Variants in KIAA1217 observed in about 807,000 individuals in gnomAD.
KIAA1217 encodes sickle tail protein homolog.
KIAA1217 carries 88 observed loss-of-function variants against 163.9 expected under a neutral mutation model. That is an observed-to-expected ratio of 0.54 (90% CI 0.45 to 0.64). The LOEUF is 0.64. Among genes scored for constraint, KIAA1217 ranks in the 30% least tolerant of loss-of-function variants. KIAA1217 has a pLI of 0.00. For synonymous variants in KIAA1217, 903 were observed against 923.1 expected (o/e 0.98, Z 0.39); for missense variants, 2,372 against 2,475.0 (o/e 0.96, Z 0.88).
chr10:23,705,600 G>A (rs940891484), intron 1 of KIAA1217, among the ~76,000 whole-genome samples: 4 of 152,100 alleles, frequency 2.6e-5, no homozygotes, highest in African/African-American at 9.7e-5. Context: ...TGATCTGTAT[G>A]TTCATTTTTA....
At chr10:23,876,540 G>A (rs1840704947) in intron 1 of KIAA1217, among the ~76,000 whole-genome samples, 1 of 151,956 alleles carries the variant, frequency 6.6e-6, no homozygotes, top group Non-Finnish European at 1.5e-5. Context: ...GTTTTATATG[G>A]TACCGTAGTG....
intron 2 of KIAA1217, among the ~76,000 whole-genome samples, chr10:24,263,655 G>T (rs2075929645): frequency 6.6e-6 from 1 of 152,156 alleles, no homozygotes; most frequent in Non-Finnish European, 1.5e-5. Context: ...CTTTTTAGGT[G>T]TGAGGCGCTG....
intron 2 of KIAA1217, among the ~76,000 whole-genome samples, chr10:24,200,164 G>A (rs1589872916): frequency 6.7e-6 from 1 of 149,696 alleles, no homozygotes; most frequent in East Asian, 2.0e-4. Flanking sequence ...TCTTTGGTTT[G>A]TGTTGCCTCA....
At chr10:24,207,313 CACAT>C (rs1039546563), upstream of KIAA1217, among the ~76,000 whole-genome samples, 3 of 150,480 alleles carry the variant, frequency 2.0e-5, no homozygotes, top group Non-Finnish European at 3.0e-5. Context: ...CACACACACA[CACAT>C]ACTTTTCTCC....
chr10:24,494,951 A>G (rs762035305), intron 7 of KIAA1217, 196 bp from the exon 8 acceptor site: 92 of 594,432 alleles, frequency 1.5e-4, no homozygotes, highest in Non-Finnish European at 2.6e-4. Flanking sequence ...GCCTGGCTGC[A>G]TTCCACCCCC....
At chr10:24,113,556 C>T (rs979223925) in intron 2 of KIAA1217, among the ~76,000 whole-genome samples, 6 of 152,236 alleles carry the variant, frequency 3.9e-5, no homozygotes, top group South Asian at 2.1e-4. Flanking sequence ...GAATTTTGCT[C>T]GCAAAATCAC....
At chr10:24,183,715 C>A (rs907381421) in intron 2 of KIAA1217, among the ~76,000 whole-genome samples, 12 of 152,290 alleles carry the variant, frequency 7.9e-5, no homozygotes, top group African/African-American at 2.6e-4. Flanking sequence ...TTTTAGGAAA[C>A]AACCATTTAT....
At chr10:23,962,084 C>G (rs1844841712) in intron 1 of KIAA1217, among the ~76,000 whole-genome samples, 1 of 152,222 alleles carries the variant, frequency 6.6e-6, no homozygotes, top group Non-Finnish European at 1.5e-5. Context: ...TGGGGGCACT[C>G]AATTTAACCC....
At position 24,283,638 on chromosome 10, in the gene KIAA1217, C is replaced by T. The variant is rs79521122; in HGVS notation, c.354+63729C>T. Among the ~76,000 whole-genome samples, 5 of 152,072 alleles carry T rather than the reference C, an allele frequency of 3.3e-5. No homozygotes were observed. In the East Asian group the frequency reaches 7.7e-4, roughly 24 times the overall value. On this transcript the variant is annotated intron_variant, in intron 2 of 20. Coordinates refer to ENST00000376454, the MANE Select transcript of KIAA1217 (RefSeq NM_019590.5). ...CCAATGTTGTGCCACCGCACTTCAG[C>T]CTGAGGAACAAAGCGACACTCCATC...
At chr10:24,527,873 C>A in intron 13 of KIAA1217, 63 bp from the exon 14 acceptor site, 1 of 1,301,944 alleles carries the variant, frequency 7.7e-7, no homozygotes, top group South Asian at 1.3e-5. Context: ...CTGAGAGGTC[C>A]CAGTGTCCGT....
At chr10:24,386,292 T>C (rs2053997442) in intron 3 of KIAA1217, among the ~76,000 whole-genome samples, 1 of 152,212 alleles carries the variant, frequency 6.6e-6, no homozygotes, top group South Asian at 2.1e-4. Context: ...GGGGGACGAA[T>C]TATTGAATAT....
chr10:24,039,822 A>G (rs536038591), intron 2 of KIAA1217, among the ~76,000 whole-genome samples: 1 of 151,714 alleles, frequency 6.6e-6, no homozygotes, highest in East Asian at 1.9e-4. Context: ...AGATATAGAT[A>G]TAGATATAGA....
At chr10:24,361,417 G>C (rs2049981365) in intron 2 of KIAA1217, among the ~76,000 whole-genome samples, 1 of 152,048 alleles carries the variant, frequency 6.6e-6, no homozygotes, top group African/African-American at 2.4e-5. Flanking sequence ...TGAGCTCCTA[G>C]GCTCAAGCGA....
rs557614315 is a variant in KIAA1217, at chr10:24,360,958, C to T, written c.355-19911C>T. Among the ~76,000 whole-genome samples the T allele has an allele frequency of 4.6e-5, 7 of 151,426 alleles. No individual in the cohort carries two copies. The South Asian group carries it at 8.4e-4, about 18-fold the overall frequency. ...AGCAAGCACAAATAATTTAATGCTA[C>T]ATCTCGGGAGTTTTTAAAAAAATTT... On this transcript the variant is annotated intron_variant, in intron 2 of 20. Transcript: ENST00000376454.
At chr10:23,891,413 C>T (rs61584310) in intron 1 of KIAA1217, among the ~76,000 whole-genome samples, 2,957 of 151,984 alleles carry the variant, frequency 0.019, 99 homozygotes, top group African/African-American at 0.064. Context: ...GGACCACACA[C>T]GTTTAAACCT....
At chr10:23,741,476 C>G (rs924455959) in intron 1 of KIAA1217, among the ~76,000 whole-genome samples, 2 of 152,118 alleles carry the variant, frequency 1.3e-5, no homozygotes, top group African/African-American at 4.8e-5. Context: ...TCCTTCAGGT[C>G]AAGGCAAGGG....
At chr10:24,509,549 G>A (rs1300364298) in intron 9 of KIAA1217, among the ~76,000 whole-genome samples, 4 of 152,112 alleles carry the variant, frequency 2.6e-5, no homozygotes, top group South Asian at 4.2e-4. Context: ...TCTCAGAAAC[G>A]TTATATTGCG....
intron 5 of KIAA1217, among the ~76,000 whole-genome samples, chr10:24,447,822 T>C (rs1412943618): frequency 6.6e-6 from 1 of 152,134 alleles, no homozygotes; most frequent in Non-Finnish European, 1.5e-5. Flanking sequence ...AGTCTATCAG[T>C]ATAATTTGAT....
chr10:24,280,422 A>C (rs763587988), intron 2 of KIAA1217, among the ~76,000 whole-genome samples: 5 of 152,246 alleles, frequency 3.3e-5, no homozygotes, highest in Non-Finnish European at 5.9e-5. Flanking sequence ...ATAAAGTAAA[A>C]TGAAAAGATG....
Sources: allele counts gnomAD v4.1 joint callset (sites outside exome capture counted in the v4.1 genomes callset), GRCh38; gene constraint gnomAD v4.1.1; transcripts MANE v1.5; gene names NCBI Gene and HGNC (gene_info 2026-07-23, HGNC 2026-07-21).